Variants in RNF145 observed in about 807,000 individuals in gnomAD.
RNF145 encodes the protein ring finger protein 145.
In RNF145, 12 loss-of-function variants were observed where a neutral mutation model predicts 57.3. The ratio of observed to expected loss-of-function variants is 0.21; its 90% confidence interval spans 0.13 to 0.34. The LOEUF (loss-of-function observed/expected upper bound fraction) is 0.34. Among genes scored for constraint, RNF145 ranks in the 10% least tolerant of loss-of-function variants. The probability of loss-of-function intolerance (pLI) is 1.00; values close to 1 mark genes in which losing one functional copy is unlikely to be tolerated. For missense variants in RNF145, 429 were observed against 799.0 expected (o/e 0.54, Z 5.58); for synonymous variants, 262 against 288.3 (o/e 0.91, Z 0.92).
rs1785963622 is a variant in RNF145 at position 159,208,105 on chromosome 5, C to G, written c.-40+1126G>C. 4 of 1,448,096 alleles carry G rather than the reference C, an allele frequency of 2.8e-6. No homozygotes were observed. In the African/African-American group the frequency reaches 4.3e-5, roughly 16 times the overall value. The allele number at this position is 1,448,096 out of a possible 1,614,324, so 89.7% of individuals were successfully genotyped here. The stretch of plus-strand genomic sequence containing the variant: ...TGATGCCTGCTCACTGCACAGGCCC[C>G]TTCCTCTCTCCCCGCACCTCCTCCC... On this transcript the variant is annotated intron_variant, in intron 1 of 10. Coordinates refer to ENST00000424310, the MANE Select transcript of RNF145 (RefSeq NM_001199383.2).
intron 8 of RNF145, among the ~76,000 whole-genome samples, chr5:159,164,760 T>C (rs556601951): frequency 2.0e-5 from 3 of 152,306 alleles, no homozygotes; most frequent in Admixed American, 2.0e-4. Flanking sequence ...TTTGAATAAG[T>C]AGACCATAGT....
At chr5:159,170,871 T>G (rs1784527792) in intron 6 of RNF145, among the ~76,000 whole-genome samples, 1 of 152,222 alleles carries the variant, frequency 6.6e-6, no homozygotes, top group Non-Finnish European at 1.5e-5. Context: ...GATTACAGGC[T>G]TGAGCTAATG....
At chr5:159,208,195 G>C in intron 1 of RNF145, 3 of 1,346,236 alleles carry the variant, frequency 2.2e-6, no homozygotes, top group African/African-American at 2.9e-5. Context: ...GCGGCAAGCA[G>C]GCAGCGCAGC....
At chr5:159,174,568 A>C (rs923269589) in intron 5 of RNF145, among the ~76,000 whole-genome samples, 1 of 152,180 alleles carries the variant, frequency 6.6e-6, no homozygotes, top group African/African-American at 2.4e-5. Context: ...AAAAGTAAAA[A>C]CTTTCAGGGT....
chr5:159,175,299 C>A (rs1279558274), intron 5 of RNF145, among the ~76,000 whole-genome samples: 1 of 151,976 alleles, frequency 6.6e-6, no homozygotes, highest in African/African-American at 2.4e-5. Context: ...AAGAAACAGA[C>A]CACTAAAAAA....
chr5:159,186,397 C>T (rs893257542), intron 3 of RNF145, among the ~76,000 whole-genome samples: 9 of 152,156 alleles, frequency 5.9e-5, no homozygotes, highest in Admixed American at 2.6e-4. Flanking sequence ...GTCTCTTCAG[C>T]GACCTGACTC....
chr5:159,171,948 T>C (rs184384044), intron 6 of RNF145, among the ~76,000 whole-genome samples: 173 of 152,304 alleles, frequency 1.1e-3, no homozygotes, highest in Middle Eastern at 0.01. Context: ...AAAATTATGT[T>C]AGCAAGATAT....
intron 3 of RNF145, among the ~76,000 whole-genome samples, chr5:159,187,634 A>G (rs1019298222): frequency 2.6e-5 from 4 of 152,088 alleles, no homozygotes; most frequent in Non-Finnish European, 5.9e-5. Flanking sequence ...GCCTATCTAT[A>G]GTAGTTCTTA....
intron 2 of RNF145, among the ~76,000 whole-genome samples, chr5:159,202,967 A>G (rs747966378): frequency 1.3e-4 from 19 of 151,864 alleles, no homozygotes; most frequent in Admixed American, 9.8e-4. Flanking sequence ...TTTATGGAAC[A>G]AAGTATTATA....
chr5:159,169,603 C>A, intron 7 of RNF145, 76 bp downstream of exon 7: 1 of 1,252,966 alleles, frequency 8.0e-7, no homozygotes, highest in Non-Finnish European at 1.1e-6. Context: ...ATTCATCAGC[C>A]AAAGAAATTC....
chr5:159,196,999 T>C (rs1230278317), intron 2 of RNF145, among the ~76,000 whole-genome samples: 4 of 152,222 alleles, frequency 2.6e-5, no homozygotes, highest in African/African-American at 9.6e-5. Flanking sequence ...TCAACATTAT[T>C]ATGTGTAAAG....
chr5:159,173,128 T>C (rs113032468), intron 6 of RNF145, among the ~76,000 whole-genome samples: 2 of 152,272 alleles, frequency 1.3e-5, no homozygotes, highest in African/African-American at 4.8e-5. Context: ...AACCGAGTCT[T>C]AGAATTATTT....
chr5:159,192,921 T>C (rs1415253730), intron 3 of RNF145, among the ~76,000 whole-genome samples: 2 of 152,232 alleles, frequency 1.3e-5, no homozygotes, highest in Non-Finnish European at 2.9e-5. Context: ...ATAGATACAA[T>C]TTTTGTTTAC....
chr5:159,188,264 G>A (rs1263433500), intron 3 of RNF145, among the ~76,000 whole-genome samples: 1 of 152,050 alleles, frequency 6.6e-6, no homozygotes, highest in African/African-American at 2.4e-5. Context: ...GCAGGCGCCT[G>A]TAGTCCCAGC....
chr5:159,203,887 C>T (rs886610016), intron 1 of RNF145, among the ~76,000 whole-genome samples: 1 of 152,130 alleles, frequency 6.6e-6, no homozygotes, highest in Non-Finnish European at 1.5e-5. Context: ...ATTAAATGTT[C>T]TGGCCTCAAA....
chr5:159,209,504 T>TCGGCGGCGGCGTCGG lies in RNF145; in HGVS notation c.-314_-313insCCGACGCCGCCGCCG, dbSNP rs757214239. On this transcript the variant is annotated 5_prime_UTR_variant, in exon 1 of 11. Transcript: ENST00000424310. ...AGCCCCTTAGCAGCCGGCGCCGGCG[T>TCGGCGGCGGCGTCGG]CGGCGGCCATGGCCTCCTGCGTTTG... The TCGGCGGCGGCGTCGG allele has an allele frequency of 7.3e-6, 7 of 965,416 alleles. No homozygotes were observed. Among genetic ancestry groups the TCGGCGGCGGCGTCGG allele is most frequent in the African/African-American group, 1.8e-5 (1 of 56,222 alleles). 59.8% of individuals were successfully genotyped at this position (965,416 alleles called of 1,614,324 possible).
chr5:159,208,692 G>A (rs1356481331), intron 1 of RNF145, among the ~76,000 whole-genome samples: 1 of 152,148 alleles, frequency 6.6e-6, no homozygotes, highest in Non-Finnish European at 1.5e-5. Flanking sequence ...TAAGACGAAG[G>A]GAAAGAGGGA....
chr5:159,203,621 G>GTTTTTTTTT lies in RNF145; in HGVS notation c.-13_-5dup. On this transcript the variant is annotated 5_prime_UTR_variant, in exon 2 of 11. Transcript: ENST00000424310. ...CCAGTTTCTCCTTTGCAGCCATGTT[G>GTTTTTTTTT]TTTTTTTTTTTCTTTTTTTTTTTCT... 2 of 1,269,998 alleles carry GTTTTTTTTT rather than the reference G, an allele frequency of 1.6e-6. No homozygotes were observed. The highest frequency in any genetic ancestry group is 2.2e-5 in the Admixed American group (1 of 45,306). The allele number at this position is 1,269,998 out of a possible 1,614,324, so 78.7% of individuals were successfully genotyped here. A position where few individuals can be genotyped will look rare whatever the true frequency, so the allele number is the denominator to read the frequency against.
At chr5:159,168,055 T>C (rs1314700688) in intron 8 of RNF145, among the ~76,000 whole-genome samples, 3 of 152,184 alleles carry the variant, frequency 2.0e-5, no homozygotes, top group African/African-American at 4.8e-5. Context: ...TGACATCGAA[T>C]TTTAAGAAAT....
Sources: allele counts gnomAD v4.1 joint callset (sites outside exome capture counted in the v4.1 genomes callset), GRCh38; gene constraint gnomAD v4.1.1; transcripts MANE v1.5; gene names NCBI Gene and HGNC (gene_info 2026-07-23, HGNC 2026-07-21).